NEGR1: variants seen among roughly 807,000 people sequenced by gnomAD.
NEGR1 encodes the protein IgLON family member 4.
A neutral mutation model predicts 40.9 loss-of-function variants in NEGR1; 10 were observed. That is an observed-to-expected ratio of 0.24 (90% confidence interval 0.15 to 0.42). The LOEUF is 0.42. Among genes scored for constraint, NEGR1 ranks in the 10% least tolerant of loss-of-function variants. The pLI is 1.00. For synonymous variants in NEGR1, 185 were observed against 166.8 expected (o/e 1.11, Z -0.84); for missense variants, 352 against 438.9 (o/e 0.80, Z 1.77).
intron 2 of NEGR1, among the ~76,000 whole-genome samples, chr1:71,907,276 T>C (rs1329154902): frequency 6.6e-6 from 1 of 152,178 alleles, no homozygotes; most frequent in Non-Finnish European, 1.5e-5. Flanking sequence ...TACATGGCAC[T>C]GATTGATGCC....
chr1:71,867,972 T>G (rs1660165843), intron 2 of NEGR1, among the ~76,000 whole-genome samples: 1 of 152,176 alleles, frequency 6.6e-6, no homozygotes. Context: ...TATTATCAAT[T>G]TTGGAAAAAG....
At position 72,229,628 on chromosome 1, in the gene NEGR1, T is replaced by C. The variant is rs999306280; in HGVS notation, c.176+52691A>G. On this transcript the variant is annotated intron_variant, in intron 1 of 6. Transcript: ENST00000357731. ...GTTAAGTCCTTGAGTGTCATGCTTA[T>C]GGTAATCAATATATCTTTCTATTCT... Among the ~76,000 whole-genome samples, 5 of 151,410 alleles carry C rather than the reference T, an allele frequency of 3.3e-5. No individual in the cohort carries two copies. The Admixed American group carries it at 3.3e-4, about 10-fold the overall frequency.
chr1:71,876,604 AG>A (rs1557685396), intron 2 of NEGR1, among the ~76,000 whole-genome samples: 2 of 150,396 alleles, frequency 1.3e-5, no homozygotes, highest in Non-Finnish European at 3.0e-5. Flanking sequence ...AAGGAAGGAA[AG>A]AAGGAAGGAA....
chr1:72,105,101 A>T (rs1031897670), intron 1 of NEGR1, among the ~76,000 whole-genome samples: 3 of 152,110 alleles, frequency 2.0e-5, no homozygotes, highest in Non-Finnish European at 4.4e-5. Context: ...ATCTGTCTTT[A>T]GTTTTCATCA....
At chr1:72,103,728 C>G (rs1649029125) in intron 1 of NEGR1, among the ~76,000 whole-genome samples, 1 of 151,974 alleles carries the variant, frequency 6.6e-6, no homozygotes, top group South Asian at 2.1e-4. Flanking sequence ...TATATTTTCT[C>G]TTTCTCCCAC....
intron 4 of NEGR1, among the ~76,000 whole-genome samples, chr1:71,643,590 AAAGAGAG>A (rs1371918444): frequency 2.0e-5 from 3 of 152,014 alleles, no homozygotes; most frequent in Admixed American, 6.6e-5. Context: ...AGCCTCAAAG[AAAGAGAG>A]AAAAGGATAT....
At chr1:71,602,740 C>A (rs1041553342) in intron 5 of NEGR1, among the ~76,000 whole-genome samples, 7 of 152,126 alleles carry the variant, frequency 4.6e-5, no homozygotes, top group African/African-American at 1.7e-4. Context: ...GTACTTATTT[C>A]ATTTTGCTGA....
chr1:71,524,634 C>T (rs1230544364), intron 6 of NEGR1, among the ~76,000 whole-genome samples: 1 of 151,466 alleles, frequency 6.6e-6, no homozygotes, highest in South Asian at 2.1e-4. Flanking sequence ...TGATGACCAT[C>T]CAAAGATGTC....
intron 2 of NEGR1, among the ~76,000 whole-genome samples, chr1:71,823,586 C>G (rs1350806087): frequency 1.3e-5 from 2 of 151,976 alleles, no homozygotes; most frequent in African/African-American, 4.8e-5. Flanking sequence ...TCTCAGCACA[C>G]TTTTTTCTTA....
chr1:71,550,024 A>G (rs1648024691), intron 6 of NEGR1, among the ~76,000 whole-genome samples: 1 of 151,668 alleles, frequency 6.6e-6, no homozygotes, highest in African/African-American at 2.4e-5. Flanking sequence ...CCTCATTTAT[A>G]TGGTAAAATG....
chr1:72,194,273 T>C (rs1024346277), intron 1 of NEGR1, among the ~76,000 whole-genome samples: 3 of 151,914 alleles, frequency 2.0e-5, no homozygotes, highest in Non-Finnish European at 2.9e-5. Context: ...GGAGCTAATA[T>C]TTTTGCAAGT....
Position 71,690,599 on chromosome 1 carries a change from C to T in NEGR1, c.667+7409G>A, listed in dbSNP as rs201048664. Among the ~76,000 whole-genome samples the T allele has an allele frequency of 2.6e-3, 271 of 102,936 alleles. 1 individual carries two copies. The highest frequency in any genetic ancestry group is 9.1e-3 in the East Asian group (32 of 3,510). 67.5% of individuals were successfully genotyped at this position (102,936 alleles called of 152,430 possible). ...ACACACACACACACACACACACACA[C>T]ATATATATATAGAGGGAGACAGAGA... is the stretch of plus-strand genomic sequence containing the variant. On this transcript the variant is annotated intron_variant, in intron 4 of 6. Transcript: ENST00000357731.
At chr1:71,740,937 C>T (rs1655193551) in intron 3 of NEGR1, among the ~76,000 whole-genome samples, 1 of 152,126 alleles carries the variant, frequency 6.6e-6, no homozygotes, top group South Asian at 2.1e-4. Flanking sequence ...CAGGCTCCTG[C>T]TTTACTTCAG....
intron 1 of NEGR1, among the ~76,000 whole-genome samples, chr1:72,050,108 C>G (rs1249682096): frequency 1.3e-5 from 2 of 151,334 alleles, no homozygotes; most frequent in East Asian, 3.9e-4. Context: ...ATAAAGAAAT[C>G]TTTATATTGT....
At chr1:71,748,916 G>A (rs931314671) in intron 3 of NEGR1, among the ~76,000 whole-genome samples, 6 of 151,994 alleles carry the variant, frequency 3.9e-5, no homozygotes, top group Non-Finnish European at 7.4e-5. Flanking sequence ...ATTATCTGAA[G>A]AAAATAGTCA....
intron 2 of NEGR1, among the ~76,000 whole-genome samples, chr1:71,861,492 C>CAAAATGCAG (rs1659946137): frequency 6.6e-6 from 1 of 151,948 alleles, no homozygotes; most frequent in Non-Finnish European, 1.5e-5. Flanking sequence ...TTCCTAGACC[C>CAAAATGCAG]AAAATGCAGT....
chr1:72,259,811 T>C (rs1655397347), intron 1 of NEGR1, among the ~76,000 whole-genome samples: 1 of 152,114 alleles, frequency 6.6e-6, no homozygotes, highest in African/African-American at 2.4e-5. Context: ...AAAACTATTC[T>C]TGTATATGGT....
At chr1:71,843,673 A>G (rs1659315487) in intron 2 of NEGR1, among the ~76,000 whole-genome samples, 1 of 152,160 alleles carries the variant, frequency 6.6e-6, no homozygotes, top group Admixed American at 6.6e-5. Context: ...ATGAAATGAG[A>G]AGAAAATAGT....
chr1:72,234,461 A>C lies in NEGR1; in HGVS notation c.176+47858T>G, dbSNP rs934657915. Among the ~76,000 whole-genome samples the C allele has an allele frequency of 5.3e-5, 8 of 152,120 alleles. No individual in the cohort carries two copies. The East Asian group carries it at 1.5e-3, about 29-fold the overall frequency. On this transcript the variant is annotated intron_variant, in intron 1 of 6. Transcript: ENST00000357731. Reference sequence around the variant, plus strand: ...TAATTAAACCAAGGAGCTTCTTTACAGCAAAGAAAACTATCAACAAAGTGA... The same window carrying C: ...TAATTAAACCAAGGAGCTTCTTTACCGCAAAGAAAACTATCAACAAAGTGA...
Sources: gnomAD v4.1 joint callset for allele counts (sites outside exome capture counted in the v4.1 genomes callset) on GRCh38, gnomAD v4.1.1 for gene constraint, MANE v1.5 for transcripts, NCBI Gene and HGNC (gene_info 2026-07-23, HGNC 2026-07-21) for gene names.